Variants in KCNIP3 observed in about 807,000 individuals in gnomAD.
KCNIP3 encodes the protein potassium voltage-gated channel interacting protein 3, also known as calsenilin.
In KCNIP3, 28 loss-of-function variants were observed where a neutral mutation model predicts 35.0. The observed-to-expected ratio is 0.80, with a 90% confidence interval of 0.59 to 1.10. The LOEUF is 1.10. Ranked by LOEUF, KCNIP3 falls within the 50% of genes least tolerant of loss-of-function variation. KCNIP3 has a pLI of 0.00. For missense variants in KCNIP3, 295 were observed against 338.4 expected, an observed-to-expected ratio of 0.87 and a Z score of 1.01; for synonymous variants, 134 against 133.8, an observed-to-expected ratio of 1.00 and a Z score of -0.01.
chr2:95,299,409 TCC>T, intron 1 of KCNIP3, among the ~76,000 whole-genome samples: 1 of 152,184 alleles, frequency 6.6e-6, no homozygotes, highest in African/African-American at 2.4e-5. Flanking sequence ...GTGTTCTGAC[TCC>T]TCAGGGTCAC....
intron 2 of KCNIP3, chr2:95,311,126 T>A (rs557968615): frequency 1.2e-5 from 2 of 161,086 alleles, no homozygotes; most frequent in African/African-American, 4.8e-5. Context: ...GTTTGCCGAG[T>A]ATAACAGGGC....
At chr2:95,379,453 C>T (rs1490178193) in intron 5 of KCNIP3, among the ~76,000 whole-genome samples, 1 of 46,128 alleles carries the variant, frequency 2.2e-5, no homozygotes, top group Non-Finnish European at 4.0e-5. Flanking sequence ...GCTCCATCCT[C>T]GCTGGGGCCT....
intron 2 of KCNIP3, chr2:95,355,249 C>T (rs1377068584): frequency 6.6e-6 from 1 of 152,194 alleles, no homozygotes; most frequent in Non-Finnish European, 1.5e-5. Flanking sequence ...AGTGAGAGGA[C>T]CCACTGCCCT....
chr2:95,369,982 C>A (rs1680004983), intron 2 of KCNIP3, among the ~76,000 whole-genome samples: 1 of 152,066 alleles, frequency 6.6e-6, no homozygotes, highest in Non-Finnish European at 1.5e-5. Flanking sequence ...CCATTTTGTT[C>A]TTTTATTATA....
Position 95,383,179 on chromosome 2 carries a change from G to A in KCNIP3, c.661-53G>A, listed in dbSNP as rs539578335. 9.0e-6 allele frequency: 14 copies of A among 1,549,476 alleles called. No homozygotes were observed. In the East Asian group the frequency reaches 9.2e-5, roughly 10 times the overall value. On this transcript the variant is annotated intron_variant, in intron 7 of 8. Coordinates refer to ENST00000295225, the MANE Select transcript of KCNIP3 (RefSeq NM_013434.5). ...ACTTCTGCGTCCTCAGGCCAGGGGC[G>A]GGGCTGTCTCTGCTGGGGCACAGAC...
rs1408386763 is a variant in KCNIP3, at chr2:95,384,024, T to A, written c.746T>A (p.Met249Lys). ...CAGGATGAGAACATCATGAGCTCCA[T>A]GCAGCTGTTTGAGAATGTCATCTAG... ...CQKDENIMSS[M>K]QLFENVI Residue 249 changes from methionine (M) to lysine (K), a missense_variant, in exon 9 of 9, where the codon ATG (methionine) becomes AAG (lysine). Met to Lys is a moderately conservative substitution (Grantham distance 95). Transcript: ENST00000295225. 1 of 1,613,860 alleles carries A rather than the reference T, an allele frequency of 6.2e-7. No individual in the cohort carries two copies. Among genetic ancestry groups the A allele is most frequent in the African/African-American group, 1.3e-5 (1 of 74,908 alleles).
chr2:95,321,057 A>C (rs1036145717), intron 2 of KCNIP3, among the ~76,000 whole-genome samples: 14 of 36,312 alleles, frequency 3.9e-4, no homozygotes, highest in South Asian at 1.1e-3. Context: ...TCCTCCCCAC[A>C]CCCCAAGCCT....
intron 5 of KCNIP3, among the ~76,000 whole-genome samples, chr2:95,379,129 C>G (rs966589536): frequency 3.3e-5 from 5 of 151,926 alleles, no homozygotes; most frequent in African/African-American, 1.2e-4. Context: ...TCCCCCCAGC[C>G]CCCCACCCAT....
rs1281912025 is a variant in KCNIP3, at chr2:95,376,577, T to C, written c.447+1369T>C. 6.6e-6 allele frequency among the ~76,000 whole-genome samples: 1 copy of C among 152,254 alleles called. No homozygotes were observed. Among genetic ancestry groups the C allele is most frequent in the African/African-American group, 2.4e-5 (1 of 41,474 alleles). ...CTCAGAAGATCACTCATCCCTGGCA[T>C]CTTCCTGGGCCTTCTGCAGCTTCTC... is the stretch of plus-strand genomic sequence containing the variant. On this transcript the variant is annotated intron_variant, in intron 5 of 8. Coordinates refer to ENST00000295225, the MANE Select transcript of KCNIP3 (RefSeq NM_013434.5). This position sits in a 1 kb window ranked among gnomAD's most constrained non-coding sequence, Gnocchi z 4.2.
intron 2 of KCNIP3, among the ~76,000 whole-genome samples, chr2:95,356,242 A>T (rs1679654651): frequency 6.6e-6 from 1 of 151,878 alleles, no homozygotes; most frequent in South Asian, 2.1e-4. Context: ...TAGATTCTGG[A>T]TATCAGCCCT....
Position 95,385,388 on chromosome 2 carries a change from A to G in KCNIP3, c.*1339A>G, listed in dbSNP as rs906545012. 3.3e-5 allele frequency: 5 copies of G among 152,794 alleles called. No individual in the cohort carries two copies. The highest frequency in any genetic ancestry group is 5.9e-5 in the Non-Finnish European group (4 of 68,174). 9.5% of individuals were successfully genotyped at this position (152,794 alleles called of 1,614,324 possible). A position where few individuals can be genotyped will look rare whatever the true frequency, so the allele number is the denominator to read the frequency against. On this transcript the variant is annotated 3_prime_UTR_variant, in exon 9 of 9. Transcript: ENST00000295225. ...GAATGCCAGCCCAAAGCTGGAGCCAATGGTGAGGGCTGAGAGGGCTGTGGC... is the reference window on the plus strand; with the variant it reads ...GAATGCCAGCCCAAAGCTGGAGCCAGTGGTGAGGGCTGAGAGGGCTGTGGC...
chr2:95,310,156 C>T lies in KCNIP3; in HGVS notation c.16-199C>T, dbSNP rs143319173. 8 of 702,258 alleles carry T rather than the reference C, an allele frequency of 1.1e-5. No homozygotes were observed. The East Asian group carries it at 2.2e-4, about 19-fold the overall frequency. 43.5% of individuals were successfully genotyped at this position (702,258 alleles called of 1,614,324 possible). A position where few individuals can be genotyped will look rare whatever the true frequency, so the allele number is the denominator to read the frequency against. On this transcript the variant is annotated intron_variant, in intron 1 of 8. Transcript: ENST00000295225. ...CAGGGGTCCCATCTTACACCATAGCCAGGGTGTAGAGTGAAAGGAACCTCC... is the reference window on the plus strand; with the variant it reads ...CAGGGGTCCCATCTTACACCATAGCTAGGGTGTAGAGTGAAAGGAACCTCC...
intron 2 of KCNIP3, among the ~76,000 whole-genome samples, chr2:95,363,995 T>A (rs936540203): frequency 1.3e-5 from 2 of 152,222 alleles, no homozygotes; most frequent in African/African-American, 2.4e-5. Context: ...ACTTCTCAAT[T>A]CGTACACTAT....
chr2:95,310,071 A>G (rs1558758811), intron 1 of KCNIP3: 6 of 540,130 alleles, frequency 1.1e-5, no homozygotes, highest in Non-Finnish European at 1.8e-5. Context: ...GGAGAATCCA[A>G]TGAGTAAGTC....
At chr2:95,358,660 G>A (rs1231279072) in intron 2 of KCNIP3, among the ~76,000 whole-genome samples, 2 of 152,224 alleles carry the variant, frequency 1.3e-5, no homozygotes, top group African/African-American at 2.4e-5. Flanking sequence ...GCTGGCATCT[G>A]GCGAGGGCCC....
At chr2:95,308,339 C>T (rs1452414132) in intron 1 of KCNIP3, among the ~76,000 whole-genome samples, 3 of 152,078 alleles carry the variant, frequency 2.0e-5, no homozygotes, top group Admixed American at 6.5e-5. Flanking sequence ...AAGGGTGTGT[C>T]GGAGGAAGGG....
chr2:95,359,603 A>T (rs1257678367), intron 2 of KCNIP3, among the ~76,000 whole-genome samples: 2 of 152,196 alleles, frequency 1.3e-5, no homozygotes, highest in Non-Finnish European at 2.9e-5. Context: ...TGGCTCCACA[A>T]GGCATTGTCC....
At chr2:95,314,566 CT>C (rs1471429708) in intron 2 of KCNIP3, among the ~76,000 whole-genome samples, 1 of 152,240 alleles carries the variant, frequency 6.6e-6, no homozygotes, top group Admixed American at 6.5e-5. Flanking sequence ...TGTTGCTAGG[CT>C]CCCTGGAGAA....
intron 2 of KCNIP3, among the ~76,000 whole-genome samples, chr2:95,324,654 T>G (rs1323741886): frequency 2.6e-5 from 4 of 152,144 alleles, no homozygotes; most frequent in African/African-American, 4.8e-5. Flanking sequence ...GGCTCACGCC[T>G]GTAATCCCAG....
Sources: gnomAD v4.1 joint callset for allele counts (sites outside exome capture counted in the v4.1 genomes callset) on GRCh38, gnomAD v4.1.1 for gene constraint, Gnocchi (gnomAD v3.1) non-coding constraint, MANE v1.5 for transcripts, NCBI Gene and HGNC (gene_info 2026-07-23, HGNC 2026-07-21) for gene names.